Variants in DLGAP2 observed in about 807,000 individuals in gnomAD.
DLGAP2 encodes the protein DLG associated protein 2.
In DLGAP2, 26 loss-of-function variants were observed where a neutral mutation model predicts 100.3. The observed-to-expected ratio is 0.26, with a 90% CI of 0.19 to 0.36. The LOEUF is 0.36. DLGAP2 is among the 10% of genes least tolerant of loss of function. The pLI, the probability that DLGAP2 is intolerant of heterozygous loss-of-function variation, is 1.00. For missense variants in DLGAP2, 1,858 were observed against 1,453.2 expected (o/e 1.28, Z -4.53); for synonymous variants, 886 against 630.1 (o/e 1.41, Z -6.08).
In DLGAP2 at chr8:1,706,126, C is replaced by A. The variant is rs1469519531; in HGVS notation, c.*4720C>A. 6.6e-6 allele frequency: 1 copy of A among 152,214 alleles called. No individual in the cohort carries two copies. The highest frequency in any genetic ancestry group is 2.4e-5 in the African/African-American group (1 of 41,448). 9.4% of individuals were successfully genotyped at this position (152,214 alleles called of 1,614,324 possible). A position where few individuals can be genotyped will look rare whatever the true frequency, so the allele number is the denominator to read the frequency against. On this transcript the variant is annotated 3_prime_UTR_variant, in exon 15 of 15. Transcript: ENST00000637795. ...AGGAAAGGGTTTGCTTCTACACATT[C>A]GGCTGAATGTCCCCCAGTGCAGGGT...
At chr8:1,360,212 T>C (rs13266018) in intron 3 of DLGAP2, among the ~76,000 whole-genome samples, 7,190 of 96,576 alleles carry the variant, frequency 0.074, 269 homozygotes, top group East Asian at 0.26. Context: ...GGCGGGGCTT[T>C]TCCGGGGCGG....
At chr8:1,130,569 C>T (rs1340437888) in intron 2 of DLGAP2, among the ~76,000 whole-genome samples, 1 of 152,158 alleles carries the variant, frequency 6.6e-6, no homozygotes. Context: ...TTCTGAACCC[C>T]AACTGTAACT....
intron 1 of DLGAP2, among the ~76,000 whole-genome samples, chr8:768,001 T>G (rs1821258390): frequency 6.6e-6 from 1 of 152,164 alleles, no homozygotes; most frequent in East Asian, 1.9e-4. Context: ...ACTTCTCTGA[T>G]GTATAATTTA....
intron 3 of DLGAP2, among the ~76,000 whole-genome samples, chr8:1,324,033 C>T (rs967362521): frequency 2.0e-5 from 3 of 152,158 alleles, no homozygotes; most frequent in Admixed American, 6.5e-5. Context: ...CTGAAGTGTG[C>T]GTCTGGTCTG....
At chr8:1,624,869 GTC>G (rs200257386) in intron 6 of DLGAP2, among the ~76,000 whole-genome samples, 5 of 149,710 alleles carry the variant, frequency 3.3e-5, no homozygotes, top group Non-Finnish European at 5.9e-5. Flanking sequence ...CTCTCTCTCT[GTC>G]TCTCTCTCTC....
chr8:1,051,790 C>T (rs1247877957), intron 2 of DLGAP2, among the ~76,000 whole-genome samples: 1 of 152,112 alleles, frequency 6.6e-6, no homozygotes, highest in Non-Finnish European at 1.5e-5. Context: ...TGCTCAGTCA[C>T]CTGCTGAGTC....
chr8:906,059 G>A (rs894603093), intron 1 of DLGAP2, among the ~76,000 whole-genome samples: 5 of 152,330 alleles, frequency 3.3e-5, no homozygotes, highest in Admixed American at 1.3e-4. Context: ...TGGGGATGCC[G>A]GGGCAGGGCC....
chr8:1,663,928 T>A (rs1422580288), intron 8 of DLGAP2, among the ~76,000 whole-genome samples: 1 of 152,188 alleles, frequency 6.6e-6, no homozygotes, highest in African/African-American at 2.4e-5. Flanking sequence ...AGTCAGGCCG[T>A]ATCCCCAGAG....
chr8:1,193,583 C>G (rs1426218824), intron 2 of DLGAP2, among the ~76,000 whole-genome samples: 4 of 152,210 alleles, frequency 2.6e-5, no homozygotes, highest in Non-Finnish European at 4.4e-5. Flanking sequence ...ATATACGCTG[C>G]TGTGTCCACA....
intron 3 of DLGAP2, among the ~76,000 whole-genome samples, chr8:1,314,633 G>T (rs1434296995): frequency 6.6e-6 from 1 of 152,202 alleles, no homozygotes; most frequent in East Asian, 1.9e-4. Flanking sequence ...GAGAATTGGG[G>T]CAGCCCATGG....
intron 3 of DLGAP2, among the ~76,000 whole-genome samples, chr8:1,478,493 T>C (rs1020524967): frequency 6.6e-6 from 1 of 152,218 alleles, no homozygotes; most frequent in African/African-American, 2.4e-5. Flanking sequence ...CTGGCCACTC[T>C]TGCTCCACAA....
chr8:832,803 G>A (rs745371043), intron 1 of DLGAP2, among the ~76,000 whole-genome samples: 13 of 152,356 alleles, frequency 8.5e-5, no homozygotes, highest in Non-Finnish European at 1.5e-4. Flanking sequence ...AGGAGACTGT[G>A]CTCAGCCTTG....
chr8:916,208 T>A (rs902760976), intron 2 of DLGAP2, among the ~76,000 whole-genome samples: 4 of 152,242 alleles, frequency 2.6e-5, no homozygotes, highest in Admixed American at 2.6e-4. Flanking sequence ...TACCTTAAAG[T>A]CTTTCCAGTG....
intron 3 of DLGAP2, among the ~76,000 whole-genome samples, chr8:1,376,582 GGGGGAGCCGGGTGGCAGT>G (rs912835264): frequency 6.6e-6 from 1 of 152,176 alleles, no homozygotes; most frequent in Admixed American, 6.5e-5. Flanking sequence ...TGCTGAAGAA[GGGGGAGCCGGGTGGCAGT>G]GGGGAGCCGG....
In DLGAP2 at chr8:757,839, C is replaced by T. The variant is rs79119353; in HGVS notation, c.18+20014C>T. 5.5e-3 allele frequency among the ~76,000 whole-genome samples: 838 copies of T among 152,264 alleles called. 8 individuals carry two copies. The highest frequency in any genetic ancestry group is 0.019 in the African/African-American group (802 of 41,528). ...TGTAATCAAAGACTGAGTCTCCTCT[C>T]GTGTATTTTAAACAGGAATCGGGGC... is the stretch of plus-strand genomic sequence containing the variant. On this transcript the variant is annotated intron_variant, in intron 1 of 14. Coordinates refer to ENST00000637795, the MANE Select transcript of DLGAP2 (RefSeq NM_001346810.2).
chr8:1,373,443 G>C (rs532204820), intron 3 of DLGAP2, among the ~76,000 whole-genome samples: 148 of 152,328 alleles, frequency 9.7e-4, no homozygotes, highest in African/African-American at 3.5e-3. Context: ...GGGCCGGACA[G>C]AGAGCCGTGT....
At chr8:1,679,736 C>T (rs1038431318) in intron 12 of DLGAP2, among the ~76,000 whole-genome samples, 2 of 152,174 alleles carry the variant, frequency 1.3e-5, no homozygotes, top group Non-Finnish European at 2.9e-5. Flanking sequence ...AATTCCAGCA[C>T]TTTAGGAGGC....
At chr8:1,008,506 TC>T (rs1212219614) in intron 2 of DLGAP2, among the ~76,000 whole-genome samples, 1 of 152,242 alleles carries the variant, frequency 6.6e-6, no homozygotes, top group East Asian at 1.9e-4. Context: ...AATCATATTT[TC>T]TTATTGATGC....
chr8:1,553,108 A>C (rs1027195848), intron 5 of DLGAP2, among the ~76,000 whole-genome samples: 2 of 152,166 alleles, frequency 1.3e-5, no homozygotes, highest in African/African-American at 4.8e-5. Flanking sequence ...TCCTGGCGGC[A>C]TCAGATGGAG....
Sources: allele counts gnomAD v4.1 joint callset (sites outside exome capture counted in the v4.1 genomes callset), GRCh38; gene constraint gnomAD v4.1.1; transcripts MANE v1.5; gene names NCBI Gene and HGNC (gene_info 2026-07-23, HGNC 2026-07-21).